Variants in FYCO1 observed in about 807,000 individuals in gnomAD.
The protein encoded by FYCO1 is FYVE and coiled-coil domain autophagy adaptor 1.
Under a neutral mutation model 165.1 loss-of-function variants are expected in FYCO1, and 122 were observed. The observed-to-expected ratio is 0.74, with a 90% CI of 0.64 to 0.86. FYCO1 has a LOEUF of 0.86. Ranked by LOEUF, FYCO1 falls within the 40% of genes least tolerant of loss-of-function variation. The pLI is 0.00. For synonymous variants in FYCO1, 648 were observed against 742.5 expected (o/e 0.87, Z 2.07); for missense variants, 1,702 against 1,810.3 (o/e 0.94, Z 1.09).
chr3:45,963,818 C>T (rs1256770220), intron 10 of FYCO1, among the ~76,000 whole-genome samples: 1 of 152,142 alleles, frequency 6.6e-6, no homozygotes, highest in African/African-American at 2.4e-5. Flanking sequence ...ATCTGCTATC[C>T]ACAGATATGG....
At chr3:45,946,870 T>C in intron 14 of FYCO1, 2 of 1,614,230 alleles carry the variant, frequency 1.2e-6, no homozygotes, top group Non-Finnish European at 1.7e-6. Flanking sequence ...CGTTTCATTG[T>C]AGTGGTTAAG....
In FYCO1 at chr3:45,923,769, G is replaced by C. The variant is rs761998067; in HGVS notation, c.4252-4C>G. On this transcript the variant is annotated splice_region_variant and splice_polypyrimidine_tract_variant and intron_variant, in intron 16 of 17. Transcript: ENST00000296137. ...ATCGGGTCGTGGGAATGAGGACCTG[G>C]GAGGGAAAGCAGGTAGGCAAAAACA... 3.7e-6 allele frequency: 6 copies of C among 1,604,960 alleles called. No individual in the cohort carries two copies. The East Asian group carries it at 1.3e-4, about 36-fold the overall frequency.
Position 45,978,833 on chromosome 3 carries a change from ATG to A in FYCO1, c.288+870_288+871del, listed in dbSNP as rs564285911. 1.8e-4 allele frequency among the ~76,000 whole-genome samples: 27 copies of A among 150,242 alleles called. No homozygotes were observed. The South Asian group carries it at 5.5e-3, about 30-fold the overall frequency. On this transcript the variant is annotated intron_variant, in intron 4 of 17. Coordinates refer to ENST00000296137, the MANE Select transcript of FYCO1 (RefSeq NM_024513.4). ...GAGAGTGTGAGTGTGTATGTGAAGTATGTGTGTGTGTTTGTTGTTCTGGAGTT... is the reference window on the plus strand; with the variant it reads ...GAGAGTGTGAGTGTGTATGTGAAGTATGTGTGTGTTTGTTGTTCTGGAGTT...
At chr3:45,937,996 T>C (rs183220972) in intron 14 of FYCO1, among the ~76,000 whole-genome samples, 66 of 152,270 alleles carry the variant, frequency 4.3e-4, no homozygotes, top group African/African-American at 1.5e-3. Flanking sequence ...CCTGCTTTTG[T>C]TTGCTTTCAT....
At chr3:45,939,194 TC>T (rs1227235443) in intron 14 of FYCO1, among the ~76,000 whole-genome samples, 2 of 135,820 alleles carry the variant, frequency 1.5e-5, no homozygotes, top group East Asian at 5.6e-4. Flanking sequence ...AACTTGTCTG[TC>T]CCTTTGTGGG....
intron 14 of FYCO1, among the ~76,000 whole-genome samples, chr3:45,952,614 A>G (rs924322602): frequency 6.6e-6 from 1 of 152,168 alleles, no homozygotes; most frequent in African/African-American, 2.4e-5. Context: ...CTTTCCCTGG[A>G]ACAGTTCCTG....
At position 45,931,418 on chromosome 3, in the gene FYCO1, A is replaced by G. The variant is rs1007987765; in HGVS notation, c.4041-137T>C. On this transcript the variant is annotated intron_variant, in intron 15 of 17. Transcript: ENST00000296137. ...GACAAGCCCTGGGTAACCTTGGCCA[A>G]CATGCTTAATTATGGGATGGGCAGC... 3.4e-5 allele frequency: 26 copies of G among 774,670 alleles called. No homozygotes were observed. In the African/African-American group the frequency reaches 3.8e-4, roughly 11 times the overall value. The allele number at this position is 774,670 out of a possible 1,614,324, so 48.0% of individuals were successfully genotyped here. A position where few individuals can be genotyped will look rare whatever the true frequency, so the allele number is the denominator to read the frequency against.
At chr3:45,934,268 G>A (rs1324648071) in intron 15 of FYCO1, among the ~76,000 whole-genome samples, 1 of 152,168 alleles carries the variant, frequency 6.6e-6, no homozygotes, top group Non-Finnish European at 1.5e-5. Flanking sequence ...TATGATGACA[G>A]ATAAGCCTAG....
chr3:45,968,767 C>T, intron 7 of FYCO1, 64 bp from the exon 8 acceptor site: 1 of 1,599,892 alleles, frequency 6.3e-7, no homozygotes, highest in East Asian at 2.2e-5. Context: ...TTTAGAAAAG[C>T]TTTAGAGTTT....
Position 45,975,301 on chromosome 3 carries a change from G to A in FYCO1, c.333C>T (p.Ser111=), listed in dbSNP as rs1575379364. The change falls in exon 5 of 18, where the codon TCC becomes TCT. Residue 111 remains serine (S), a synonymous_variant. Transcript: ENST00000296137. The part of the protein sequence containing the change: ...LGKGRAFIRY[S]LVHQRLADTL... ...TGTCTGCCAACCTCTGGTGCACCAA[G>A]GAGTAGCGAATAAATGCTCTTCCTT... The A allele has an allele frequency of 1.2e-6, 2 of 1,614,176 alleles. No individual in the cohort carries two copies. Among genetic ancestry groups the A allele is most frequent in the East Asian group, 4.5e-5 (2 of 44,886 alleles).
At chr3:45,976,529 G>A (rs899463954) in intron 4 of FYCO1, among the ~76,000 whole-genome samples, 1 of 152,162 alleles carries the variant, frequency 6.6e-6, no homozygotes, top group Non-Finnish European at 1.5e-5. Flanking sequence ...CTCTGGCTCT[G>A]GGTAGGGTAA....
chr3:45,965,490 A>G (rs558600845), intron 8 of FYCO1, among the ~76,000 whole-genome samples: 8 of 152,208 alleles, frequency 5.3e-5, no homozygotes, highest in Admixed American at 1.3e-4. Context: ...TGATGCAGAC[A>G]GACTAGTGGC....
chr3:45,943,499 G>A (rs924193069), intron 14 of FYCO1: 4 of 152,218 alleles, frequency 2.6e-5, no homozygotes, highest in Admixed American at 1.3e-4. Context: ...TGCTTCATGA[G>A]CAAGCTCATC....
At chr3:45,956,292 T>A (rs1705316716) in intron 13 of FYCO1, among the ~76,000 whole-genome samples, 1 of 151,730 alleles carries the variant, frequency 6.6e-6, no homozygotes, top group Non-Finnish European at 1.5e-5. Flanking sequence ...GCCGAGATCG[T>A]ACCACTGCAC....
At chr3:45,975,914 G>A (rs1275164268) in intron 4 of FYCO1, among the ~76,000 whole-genome samples, 3 of 152,210 alleles carry the variant, frequency 2.0e-5, no homozygotes, top group East Asian at 1.9e-4. Flanking sequence ...AAGGGCAGAG[G>A]TGCGTGAGTG....
In FYCO1 at chr3:45,955,315, T is replaced by C; in HGVS notation, c.3878A>G (p.Glu1293Gly). Residue 1293 changes from glutamate (E) to glycine (G), a missense_variant, in exon 14 of 18, where the codon GAG (glutamate) becomes GGG (glycine). Physicochemically the swap from Glu to Gly is moderately conservative, Grantham distance 98. Transcript: ENST00000296137. ...TGTTTCAGGCAAAGAGGAGCCGGACTCCTGTATCTGGCACAATTCCTCATC... is the reference window on the plus strand; with the variant it reads ...TGTTTCAGGCAAAGAGGAGCCGGACCCCTGTATCTGGCACAATTCCTCATC... ...ITDEELCQIQ[E>G]SGSSLPETPT... 4 of 1,614,184 alleles carry C rather than the reference T, an allele frequency of 2.5e-6. No individual in the cohort carries two copies. The highest frequency in any genetic ancestry group is 3.4e-6 in the Non-Finnish European group (4 of 1,180,024).
intron 14 of FYCO1, 80 bp downstream of exon 14, chr3:45,955,169 C>T (rs1575356601): frequency 1.3e-6 from 2 of 1,524,844 alleles, no homozygotes; most frequent in Non-Finnish European, 1.8e-6. Context: ...CAGTGTCTCA[C>T]TTTCCTCATC....
chr3:45,947,354 C>T (rs1005222941), intron 14 of FYCO1: 3 of 1,614,106 alleles, frequency 1.9e-6, no homozygotes, highest in Admixed American at 3.3e-5. Context: ...ATGCCTTTGT[C>T]AGCCTGAAGT....
intron 8 of FYCO1, 56 bp from the exon 9 acceptor site, chr3:45,965,181 C>A (rs1184522324): frequency 2.3e-6 from 3 of 1,297,716 alleles, no homozygotes; most frequent in African/African-American, 1.5e-5. Context: ...CTCTGAGGAT[C>A]CCTCAGCCCC....
Sources: allele counts gnomAD v4.1 joint callset (sites outside exome capture counted in the v4.1 genomes callset), GRCh38; gene constraint gnomAD v4.1.1; transcripts MANE v1.5; gene names NCBI Gene and HGNC (gene_info 2026-07-23, HGNC 2026-07-21).